The following ZPR1 variants were observed in gnomAD, a reference collection of about 807,000 sequenced individuals.
The protein encoded by ZPR1 is zinc finger protein ZPR1.
In ZPR1, 37 loss-of-function variants were observed where a neutral mutation model predicts 59.6. That is an observed-to-expected ratio of 0.62 (90% CI 0.48 to 0.82). The LOEUF is 0.82. Among genes scored for constraint, ZPR1 ranks in the 40% least tolerant of loss-of-function variants. The pLI is 0.00. For missense variants in ZPR1, 527 were observed against 579.9 expected (o/e 0.91, Z 0.94); for synonymous variants, 191 against 215.2 (o/e 0.89, Z 0.99).
Position 116,784,871 on chromosome 11 carries a change from G to A in ZPR1, c.804C>T (p.Thr268=). The change falls in exon 8 of 14, where the codon ACC becomes ACT. Residue 268 remains threonine (T), a synonymous_variant. Transcript: ENST00000227322. ...AAAAGATACGTACTAGCTTCATGTT[G>A]GTCTGAGCGGGGGCATTGCATTCTG... is the stretch of plus-strand genomic sequence containing the variant. ...NCPECNAPAQ[T]NMKLVQIPHF... 1 of 1,614,200 alleles carries A rather than the reference G, an allele frequency of 6.2e-7. No individual in the cohort carries two copies.
intron 13 of ZPR1, 117 bp from the exon 14 acceptor site, chr11:116,779,176 G>C (rs1366653645): frequency 7.0e-7 from 1 of 1,418,774 alleles, no homozygotes; most frequent in Non-Finnish European, 9.5e-7. Context: ...TCTTTTTATT[G>C]GCCTCCAATT....
chr11:116,781,506 G>T (rs1940804458), intron 12 of ZPR1, among the ~76,000 whole-genome samples: 1 of 152,338 alleles, frequency 6.6e-6, no homozygotes, highest in East Asian at 1.9e-4. Context: ...AGACCATAGT[G>T]CAGTCTTCGA....
At chr11:116,780,373 C>T (rs1200536570) in intron 12 of ZPR1, among the ~76,000 whole-genome samples, 3 of 150,824 alleles carry the variant, frequency 2.0e-5, no homozygotes, top group African/African-American at 4.9e-5. Context: ...CCCCTTCCCA[C>T]AGCTCTCAGA....
In ZPR1 at chr11:116,777,467, CCTGGGCAACACGGTGAAACCCCGT is replaced by C. The variant is rs1446724497; in HGVS notation, c.*1434_*1457del. ...CCTGAGCTCAGGAGTTCGAGACCAGCCTGGGCAACACGGTGAAACCCCGTCTCTACTAAAATACAAAAGAAATTA... is the reference window on the plus strand; with the variant it reads ...CCTGAGCTCAGGAGTTCGAGACCAGCCTCTACTAAAATACAAAAGAAATTA... On this transcript the variant is annotated 3_prime_UTR_variant, in exon 14 of 14. Coordinates refer to ENST00000227322, the MANE Select transcript of ZPR1 (RefSeq NM_003904.5). 1 of 152,196 alleles carries C rather than the reference CCTGGGCAACACGGTGAAACCCCGT, an allele frequency of 6.6e-6. No homozygotes were observed. The highest frequency in any genetic ancestry group is 1.9e-4 in the East Asian group (1 of 5,182). The allele number at this position is 152,196 out of a possible 1,614,324, so 9.4% of individuals were successfully genotyped here.
At chr11:116,780,694 T>C (rs1940792808) in intron 12 of ZPR1, among the ~76,000 whole-genome samples, 1 of 152,184 alleles carries the variant, frequency 6.6e-6, no homozygotes, top group African/African-American at 2.4e-5. Context: ...ATTCTGGCAT[T>C]GGAGGCCACC....
chr11:116,776,599 G>T lies in ZPR1; in HGVS notation c.*2326C>A, dbSNP rs749548673. The T allele has an allele frequency of 6.6e-6, 1 of 152,180 alleles. No individual in the cohort carries two copies. The highest frequency in any genetic ancestry group is 1.5e-5 in the Non-Finnish European group (1 of 68,038). 9.4% of individuals were successfully genotyped at this position (152,180 alleles called of 1,614,324 possible). A position where few individuals can be genotyped will look rare whatever the true frequency, so the allele number is the denominator to read the frequency against. On this transcript the variant is annotated 3_prime_UTR_variant, in exon 14 of 14. Coordinates refer to ENST00000227322, the MANE Select transcript of ZPR1 (RefSeq NM_003904.5). Reference sequence around the variant, plus strand: ...CAAAGGGCAGGAAGTACCTTAGCTGGGTTATCCCAGTCTGGCACCTGGTCC... The same window carrying T: ...CAAAGGGCAGGAAGTACCTTAGCTGTGTTATCCCAGTCTGGCACCTGGTCC...
At chr11:116,782,090 T>C in intron 12 of ZPR1, 68 bp downstream of exon 12, 1 of 1,190,642 alleles carries the variant, frequency 8.4e-7, no homozygotes. Flanking sequence ...TGGCAAGACA[T>C]GAGCATGCAG....
chr11:116,776,415 T>A lies in ZPR1; in HGVS notation c.*2510A>T, dbSNP rs1414328801. On this transcript the variant is annotated 3_prime_UTR_variant, in exon 14 of 14. Transcript: ENST00000227322. ...TAGGGTTTAATCTATGATGGAGGAT[T>A]TTAACAGATTTTATTAACCATGTGT... is the stretch of plus-strand genomic sequence containing the variant. The A allele has an allele frequency of 6.6e-6, 1 of 152,212 alleles. No individual in the cohort carries two copies. The highest frequency in any genetic ancestry group is 2.4e-5 in the African/African-American group (1 of 41,434). 9.4% of individuals were successfully genotyped at this position (152,212 alleles called of 1,614,324 possible). A position where few individuals can be genotyped will look rare whatever the true frequency, so the allele number is the denominator to read the frequency against.
rs1275949664 is a variant in ZPR1, at chr11:116,787,801, G to T, written c.171+19C>A. 6.5e-7 allele frequency: 1 copy of T among 1,543,718 alleles called. No individual in the cohort carries two copies. Among genetic ancestry groups the T allele is most frequent in the Non-Finnish European group, 8.7e-7 (1 of 1,144,794 alleles). On this transcript the variant is annotated intron_variant, in intron 1 of 13. Coordinates refer to ENST00000227322, the MANE Select transcript of ZPR1 (RefSeq NM_003904.5). ...CAAGCCCTACCCACCCGCCGCTCGC[G>T]GCCGCGCCCCCGCCTCACATTGCAG...
intron 6 of ZPR1, 58 bp from the exon 7 acceptor site, chr11:116,785,204 C>T: frequency 6.3e-7 from 1 of 1,591,336 alleles, no homozygotes; most frequent in Non-Finnish European, 8.6e-7. Flanking sequence ...GTCCCCAACA[C>T]CCTGCCCTGG....
chr11:116,787,484 C>G lies in ZPR1; in HGVS notation c.331G>C (p.Glu111Gln). 4 of 1,613,524 alleles carry G rather than the reference C, an allele frequency of 2.5e-6. No homozygotes were observed. Among genetic ancestry groups the G allele is most frequent in the Non-Finnish European group, 3.4e-6 (4 of 1,179,504 alleles). The change falls in exon 2 of 14, where the codon GAG becomes CAG. Residue 111 changes from glutamate to glutamine, a missense_variant and splice_region_variant. Physicochemically the swap from Glu to Gln is conservative, Grantham distance 29 (BLOSUM62 2). Transcript: ENST00000227322. The part of the protein sequence containing the change: ...VRYTLSVRAL[E>Q]DMNREVVKTD... ...TACCTGCTCTGAGGTCCTCTCACCT[C>G]CAGAGCCCTGACAGACAAAGTGTAG...
At chr11:116,785,429 C>A in intron 6 of ZPR1, 85 bp downstream of exon 6, 1 of 1,558,608 alleles carries the variant, frequency 6.4e-7, no homozygotes, top group South Asian at 1.2e-5. Context: ...AGAGCAGCAG[C>A]AGCAAAATAA....
chr11:116,783,095 G>A, intron 10 of ZPR1, 66 bp from the exon 11 acceptor site: 9 of 1,206,664 alleles, frequency 7.5e-6, no homozygotes, highest in Non-Finnish European at 1.1e-5. Context: ...GAGGCCTCCT[G>A]CCCAATTAAT....
chr11:116,775,472 A>AC lies in ZPR1; in HGVS notation c.*3452_*3453insG, dbSNP rs1294353760. 6.7e-6 allele frequency: 1 copy of AC among 150,352 alleles called. No individual in the cohort carries two copies. The highest frequency in any genetic ancestry group is 2.5e-5 in the African/African-American group (1 of 39,738). 9.3% of individuals were successfully genotyped at this position (150,352 alleles called of 1,614,324 possible). On this transcript the variant is annotated 3_prime_UTR_variant, in exon 14 of 14. Transcript: ENST00000227322. ...GACTGTCTCCAAAAAAAAAAAAAAA[A>AC]AAAAAATTAGCCAGGCATGGTGGCG...
In ZPR1 at chr11:116,776,823, TA is replaced by T. The variant is rs759640831; in HGVS notation, c.*2101del. 1.3e-5 allele frequency: 2 copies of T among 152,188 alleles called. No homozygotes were observed. The highest frequency in any genetic ancestry group is 4.8e-5 in the African/African-American group (2 of 41,428). 9.4% of individuals were successfully genotyped at this position (152,188 alleles called of 1,614,324 possible). A position where few individuals can be genotyped will look rare whatever the true frequency, so the allele number is the denominator to read the frequency against. ...CACCTACACTATGGGGAAGTCTACT[TA>T]AGAGACCAAATGATAGATCAGAGGG... On this transcript the variant is annotated 3_prime_UTR_variant, in exon 14 of 14. Coordinates refer to ENST00000227322, the MANE Select transcript of ZPR1 (RefSeq NM_003904.5).
intron 3 of ZPR1, 39 bp downstream of exon 3, chr11:116,786,930 T>C: frequency 6.5e-7 from 1 of 1,538,144 alleles, no homozygotes; most frequent in African/African-American, 1.4e-5. Context: ...AGATTCTAGC[T>C]ACATGCGAAC....
chr11:116,783,116 A>G (rs1236624691), intron 10 of ZPR1, 87 bp from the exon 11 acceptor site: 11 of 966,232 alleles, frequency 1.1e-5, no homozygotes, highest in Non-Finnish European at 1.6e-5. Flanking sequence ...ACCAGCAGTG[A>G]TAGACTGCGG....
Position 116,787,837 on chromosome 11 carries a change from T to G in ZPR1, c.154A>C (p.Met52Leu), listed in dbSNP as rs201247587. ...QQPTEIESLC[M>L]NCYCNGMTRL... ...CGCCTCACATTGCAGTAACAGTTCA[T>G]GCATAGCGACTCGATCTCGGTGGGC... Residue 52 changes from methionine to leucine, a missense_variant, in exon 1 of 14, where the codon ATG becomes CTG. Met to Leu is a conservative substitution (Grantham distance 15, BLOSUM62 2). Transcript: ENST00000227322. The G allele has an allele frequency of 2.7e-4, 415 of 1,558,106 alleles. 3 individuals carry two copies. In the East Asian group the frequency reaches 9.5e-3, roughly 36 times the overall value.
At chr11:116,787,215 T>TG in intron 2 of ZPR1, 156 bp from the exon 3 acceptor site, 1 of 723,168 alleles carries the variant, frequency 1.4e-6, no homozygotes, top group Non-Finnish European at 2.3e-6. Flanking sequence ...ATAGTACAGG[T>TG]GGTGTGAGCC....
Sources: allele counts gnomAD v4.1 joint callset (sites outside exome capture counted in the v4.1 genomes callset), GRCh38; gene constraint gnomAD v4.1.1; transcripts MANE v1.5; gene names NCBI Gene and HGNC (gene_info 2026-07-23, HGNC 2026-07-21).